DPP10: variants seen among roughly 807,000 people sequenced by gnomAD.
DPP10 encodes the protein inactive dipeptidyl peptidase 10.
Under a neutral mutation model 120.9 loss-of-function variants are expected in DPP10, and 33 were observed. That is an observed-to-expected ratio of 0.27 (90% CI 0.21 to 0.37). DPP10 has a LOEUF of 0.37. Ranked by LOEUF, DPP10 falls within the 10% of genes least tolerant of loss-of-function variation. The pLI, the probability that DPP10 is intolerant of heterozygous loss-of-function variation, is 1.00. For missense variants in DPP10, 816 were observed against 942.8 expected (o/e 0.87, Z 1.76); for synonymous variants, 337 against 326.1 (o/e 1.03, Z -0.36).
intron 2 of DPP10, among the ~76,000 whole-genome samples, chr2:115,312,654 C>T (rs919609910): frequency 2.6e-5 from 4 of 152,142 alleles, no homozygotes; most frequent in Non-Finnish European, 2.9e-5. Flanking sequence ...TCTCTTCTAA[C>T]CCTCAGGCTT....
intron 19 of DPP10, among the ~76,000 whole-genome samples, chr2:115,791,863 A>G (rs1396787713): frequency 6.6e-6 from 1 of 152,118 alleles, no homozygotes; most frequent in East Asian, 1.9e-4. Context: ...CTATATCATG[A>G]CTATATAGTA....
intron 3 of DPP10, among the ~76,000 whole-genome samples, chr2:115,446,179 G>A (rs2072569622): frequency 6.6e-6 from 1 of 152,224 alleles, no homozygotes; most frequent in East Asian, 1.9e-4. Context: ...CTGCCAGTGT[G>A]CAGAAGACAA....
chr2:114,973,987 T>C (rs1012661148), intron 1 of DPP10, among the ~76,000 whole-genome samples: 1 of 152,190 alleles, frequency 6.6e-6, no homozygotes, highest in African/African-American at 2.4e-5. Flanking sequence ...TTTGTACAGC[T>C]GTGCCATGTG....
intron 5 of DPP10, among the ~76,000 whole-genome samples, chr2:115,529,459 GTT>G (rs3043862): frequency 0.57 from 83,714 of 146,170 alleles, 24,993 homozygotes; most frequent in Non-Finnish European, 0.69. Context: ...GGTGGCAAAA[GTT>G]TTTTTTTTTT....
At chr2:115,319,184 A>G (rs1442680145) in intron 2 of DPP10, among the ~76,000 whole-genome samples, 1 of 152,020 alleles carries the variant, frequency 6.6e-6, no homozygotes, top group African/African-American at 2.4e-5. Context: ...CTTTTCTACT[A>G]TATGTTGTAT....
At chr2:115,769,397 C>A (rs555812713) in intron 13 of DPP10, among the ~76,000 whole-genome samples, 1 of 152,174 alleles carries the variant, frequency 6.6e-6, no homozygotes, top group Admixed American at 6.5e-5. Context: ...TTGTATTGGA[C>A]AGCTTAATGC....
intron 3 of DPP10, among the ~76,000 whole-genome samples, chr2:115,441,929 C>T (rs961429867): frequency 6.6e-6 from 1 of 150,990 alleles, no homozygotes; most frequent in Admixed American, 6.6e-5. Context: ...GATTCTCCTG[C>T]CTCAGCCTCC....
chr2:114,936,669 C>G (rs1259208519), intron 1 of DPP10, among the ~76,000 whole-genome samples: 1 of 151,984 alleles, frequency 6.6e-6, no homozygotes, highest in Non-Finnish European at 1.5e-5. Flanking sequence ...ATCTCCACAC[C>G]TTTTTTCACT....
intron 1 of DPP10, among the ~76,000 whole-genome samples, chr2:115,007,131 C>T (rs1311544265): frequency 2.0e-5 from 3 of 152,070 alleles, no homozygotes; most frequent in Non-Finnish European, 2.9e-5. Flanking sequence ...GGGTACATAA[C>T]GAAATGAAGG....
At chr2:115,196,356 T>G (rs929459876) in intron 1 of DPP10, among the ~76,000 whole-genome samples, 3 of 152,202 alleles carry the variant, frequency 2.0e-5, no homozygotes, top group Non-Finnish European at 4.4e-5. Flanking sequence ...CCTAACTGGG[T>G]GAAGAATGCT....
At position 114,563,760 on chromosome 2, in the gene DPP10, C is replaced by T. The variant is rs916204562; in HGVS notation, c.60+120922C>T. On this transcript the variant is annotated intron_variant, in intron 1 of 25. Coordinates refer to ENST00000410059, the MANE Select transcript of DPP10 (RefSeq NM_020868.6). ...TTGGTTTGCAGCACACTTCAGGAGG[C>T]CAGAAGCTAAACAAGCAAGTGTGAG... is the stretch of plus-strand genomic sequence containing the variant. 3.9e-5 allele frequency among the ~76,000 whole-genome samples: 6 copies of T among 151,988 alleles called. No homozygotes were observed. In the South Asian group the frequency reaches 1.2e-3, roughly 32 times the overall value.
intron 3 of DPP10, among the ~76,000 whole-genome samples, chr2:115,350,661 A>C (rs1288374333): frequency 6.6e-6 from 1 of 152,144 alleles, no homozygotes; most frequent in Non-Finnish European, 1.5e-5. Context: ...TTCTTAGCAC[A>C]GCAATGACTA....
At chr2:115,437,194 G>A (rs905140333) in intron 3 of DPP10, among the ~76,000 whole-genome samples, 4 of 152,004 alleles carry the variant, frequency 2.6e-5, no homozygotes, top group African/African-American at 9.7e-5. Flanking sequence ...ATAATAGGGT[G>A]AAGACATTCC....
chr2:115,003,137 T>A, intron 1 of DPP10, among the ~76,000 whole-genome samples: 7 of 123,322 alleles, frequency 5.7e-5, no homozygotes, highest in South Asian at 2.5e-4. Flanking sequence ...GTAGACTAGA[T>A]AAAGAAAATG....
intron 1 of DPP10, among the ~76,000 whole-genome samples, chr2:114,521,472 G>A (rs891056302): frequency 3.3e-5 from 5 of 152,030 alleles, no homozygotes; most frequent in South Asian, 4.1e-4. Context: ...AAATTAGAAA[G>A]CGATTAGATA....
At chr2:115,666,243 GGTTT>G (rs1174693054) in intron 5 of DPP10, among the ~76,000 whole-genome samples, 1 of 152,116 alleles carries the variant, frequency 6.6e-6, no homozygotes, top group Non-Finnish European at 1.5e-5. Flanking sequence ...AAAGGAAAGG[GGTTT>G]AATTGATTCA....
chr2:114,855,849 A>C (rs17043687), intron 1 of DPP10, among the ~76,000 whole-genome samples: 3,323 of 152,168 alleles, frequency 0.022, 46 homozygotes, highest in African/African-American at 0.029. Context: ...GTGCCCTGCT[A>C]TCTTGGATCT....
intron 1 of DPP10, among the ~76,000 whole-genome samples, chr2:115,163,810 C>T (rs779982304): frequency 2.6e-5 from 4 of 152,154 alleles, no homozygotes; most frequent in Non-Finnish European, 5.9e-5. Flanking sequence ...GCAAACAGTT[C>T]AGTGATGGTG....
At chr2:114,700,742 T>G (rs551799375) in intron 1 of DPP10, among the ~76,000 whole-genome samples, 1 of 152,224 alleles carries the variant, frequency 6.6e-6, no homozygotes, top group African/African-American at 2.4e-5. Context: ...TTTCTCTTTG[T>G]GAACAGCAGA....
Sources: allele counts gnomAD v4.1 joint callset (sites outside exome capture counted in the v4.1 genomes callset), GRCh38; gene constraint gnomAD v4.1.1; transcripts MANE v1.5; gene names NCBI Gene and HGNC (gene_info 2026-07-23, HGNC 2026-07-21).